KCNQ5: variants seen among roughly 807,000 people sequenced by gnomAD.
The protein encoded by KCNQ5 is potassium voltage-gated channel subfamily Q member 5.
Under a neutral mutation model 98.2 loss-of-function variants are expected in KCNQ5, and 30 were observed. The observed-to-expected ratio is 0.31, with a 90% CI of 0.23 to 0.41. KCNQ5 has a LOEUF of 0.41. KCNQ5 is among the 10% of genes least tolerant of loss of function. KCNQ5 has a pLI of 1.00. For synonymous variants in KCNQ5, 458 were observed against 449.4 expected (o/e 1.02, Z -0.24); for missense variants, 835 against 1,182.5 (o/e 0.71, Z 4.31).
chr6:72,660,326 G>T (rs866880728), intron 1 of KCNQ5, among the ~76,000 whole-genome samples: 5 of 152,126 alleles, frequency 3.3e-5, no homozygotes, highest in Non-Finnish European at 4.4e-5. Context: ...AGCTATCTTT[G>T]AGCTTAAGCT....
intron 1 of KCNQ5, among the ~76,000 whole-genome samples, chr6:72,959,690 A>G (rs1767244286): frequency 1.3e-5 from 2 of 152,238 alleles, no homozygotes; most frequent in African/African-American, 4.8e-5. Context: ...ACACTGTCTC[A>G]TTTTAGAGTT....
At chr6:73,030,728 G>A (rs1290447801) in intron 2 of KCNQ5, among the ~76,000 whole-genome samples, 1 of 152,184 alleles carries the variant, frequency 6.6e-6, no homozygotes, top group Non-Finnish European at 1.5e-5. Flanking sequence ...CAGTCCACAA[G>A]AAGACTAGGG....
At chr6:72,973,067 C>A (rs1004171460) in intron 1 of KCNQ5, among the ~76,000 whole-genome samples, 3 of 152,114 alleles carry the variant, frequency 2.0e-5, no homozygotes, top group South Asian at 4.1e-4. Context: ...GAAAAGGAAA[C>A]GCTTTTGGTA....
At chr6:73,027,164 T>C (rs1344218450) in intron 2 of KCNQ5, among the ~76,000 whole-genome samples, 2 of 152,174 alleles carry the variant, frequency 1.3e-5, no homozygotes, top group East Asian at 3.9e-4. Flanking sequence ...GGTCTACCTT[T>C]TAGTAGAAGT....
chr6:72,683,658 C>T (rs995322485), intron 1 of KCNQ5, among the ~76,000 whole-genome samples: 6 of 151,772 alleles, frequency 4.0e-5, no homozygotes, highest in African/African-American at 9.7e-5. Flanking sequence ...TGAGCTACTG[C>T]GCCTGGCCCA....
intron 6 of KCNQ5, among the ~76,000 whole-genome samples, chr6:73,108,465 G>T (rs1775092738): frequency 6.6e-6 from 1 of 152,158 alleles, no homozygotes; most frequent in Non-Finnish European, 1.5e-5. Context: ...ATTGGCCACT[G>T]TAATCCTTAA....
intron 1 of KCNQ5, among the ~76,000 whole-genome samples, chr6:72,969,713 A>T (rs1172930796): frequency 6.6e-6 from 1 of 152,224 alleles, no homozygotes; most frequent in East Asian, 1.9e-4. Flanking sequence ...TAAAGGTCAA[A>T]GAAAATCCCT....
chr6:73,023,804 A>G (rs934975820), intron 2 of KCNQ5, among the ~76,000 whole-genome samples: 6 of 152,212 alleles, frequency 3.9e-5, no homozygotes, highest in Admixed American at 1.3e-4. Flanking sequence ...CTATGGATTA[A>G]CATTGCATTG....
intron 1 of KCNQ5, among the ~76,000 whole-genome samples, chr6:72,951,939 A>C (rs1766827373): frequency 6.6e-6 from 1 of 152,196 alleles, no homozygotes; most frequent in Non-Finnish European, 1.5e-5. Flanking sequence ...TCAACATTTC[A>C]CTAAATAAAA....
intron 3 of KCNQ5, among the ~76,000 whole-genome samples, chr6:73,046,611 CTATTTTATTTTATTTTATTT>C (rs59114459): frequency 1.6e-5 from 2 of 128,322 alleles, no homozygotes; most frequent in African/African-American, 6.0e-5. Flanking sequence ...TTATTTTATT[CTATTTTATTTTATTTTATTT>C]TATTTTATTT....
At chr6:72,956,995 C>G (rs780285810) in intron 1 of KCNQ5, among the ~76,000 whole-genome samples, 22 of 152,024 alleles carry the variant, frequency 1.4e-4, no homozygotes, top group Non-Finnish European at 2.9e-4. Context: ...GGTGTTCAGG[C>G]CCGTTGCATT....
intron 1 of KCNQ5, among the ~76,000 whole-genome samples, chr6:72,764,257 C>G (rs1194252239): frequency 6.6e-6 from 1 of 151,762 alleles, no homozygotes; most frequent in African/African-American, 2.4e-5. Context: ...AAAATAAAAA[C>G]CAACCAACCA....
chr6:73,133,686 A>C (rs759975910), intron 10 of KCNQ5, 45 bp downstream of exon 10: 2 of 1,501,726 alleles, frequency 1.3e-6, no homozygotes, highest in African/African-American at 1.4e-5. Context: ...GATAGGCTAT[A>C]GTGAGTGAGA....
chr6:73,105,215 C>A, intron 5 of KCNQ5, 42 bp from the exon 6 acceptor site: 1 of 1,187,906 alleles, frequency 8.4e-7, no homozygotes. Flanking sequence ...TAACTTTCCT[C>A]TCAAGTACTT....
chr6:73,152,061 G>GT (rs1777174350), intron 10 of KCNQ5, among the ~76,000 whole-genome samples: 1 of 152,046 alleles, frequency 6.6e-6, no homozygotes, highest in African/African-American at 2.4e-5. Flanking sequence ...TTCTGTGGCT[G>GT]TGTCTCCCAC....
chr6:72,632,501 G>C (rs934338470), intron 1 of KCNQ5, among the ~76,000 whole-genome samples: 3 of 152,032 alleles, frequency 2.0e-5, no homozygotes, highest in African/African-American at 7.2e-5. Flanking sequence ...TACTTGTGCA[G>C]GTTTGTTACA....
At chr6:73,149,129 G>A (rs1038424740) in intron 10 of KCNQ5, among the ~76,000 whole-genome samples, 3 of 152,100 alleles carry the variant, frequency 2.0e-5, no homozygotes, top group Admixed American at 2.0e-4. Flanking sequence ...TCAAATGAAT[G>A]GGTTATGATC....
intron 2 of KCNQ5, among the ~76,000 whole-genome samples, chr6:73,028,183 C>T (rs1770975337): frequency 6.6e-6 from 1 of 152,156 alleles, no homozygotes; most frequent in African/African-American, 2.4e-5. Flanking sequence ...AAATATGGAG[C>T]AGCAGAGTCT....
At chr6:73,005,594 C>T (rs1769776593) in intron 2 of KCNQ5, among the ~76,000 whole-genome samples, 1 of 152,108 alleles carries the variant, frequency 6.6e-6, no homozygotes, top group Non-Finnish European at 1.5e-5. Flanking sequence ...CATGTAATCA[C>T]AAAGTCTAAA....
Sources: allele counts gnomAD v4.1 joint callset (sites outside exome capture counted in the v4.1 genomes callset), GRCh38; gene constraint gnomAD v4.1.1; transcripts MANE v1.5; gene names NCBI Gene and HGNC (gene_info 2026-07-23, HGNC 2026-07-21).